The following DROSHA variants were observed in gnomAD, a reference collection of about 807,000 sequenced individuals.
DROSHA encodes the protein ribonuclease 3.
Under a neutral mutation model 181.9 loss-of-function variants are expected in DROSHA, and 56 were observed. The observed-to-expected ratio is 0.31, with a 90% CI of 0.25 to 0.38. The LOEUF is 0.38. DROSHA is among the 10% of genes least tolerant of loss of function. The pLI is 1.00. For synonymous variants in DROSHA, 524 were observed against 591.2 expected, an observed-to-expected ratio of 0.89 and a Z score of 1.65; for missense variants, 1,218 against 1,743.5, an observed-to-expected ratio of 0.70 and a Z score of 5.37.
intron 25 of DROSHA, among the ~76,000 whole-genome samples, chr5:31,433,915 A>T (rs144894785): frequency 2.3e-3 from 346 of 152,348 alleles, no homozygotes; most frequent in African/African-American, 8.2e-3. Context: ...AATGTTCATT[A>T]GTCTGGAAGG....
At chr5:31,453,717 A>C (rs965147911) in intron 20 of DROSHA, among the ~76,000 whole-genome samples, 30 of 152,140 alleles carry the variant, frequency 2.0e-4, no homozygotes, top group Non-Finnish European at 2.2e-4. Context: ...TGCTCCAAAC[A>C]AAGCCTGTTT....
intron 23 of DROSHA, among the ~76,000 whole-genome samples, chr5:31,443,506 GTGCTAA>G: frequency 6.6e-6 from 1 of 151,980 alleles, no homozygotes; most frequent in Non-Finnish European, 1.5e-5. Context: ...CACCCTTTTT[GTGCTAA>G]CAGTTCATCA....
At chr5:31,481,946 AG>A (rs955615166) in intron 16 of DROSHA, among the ~76,000 whole-genome samples, 1 of 152,148 alleles carries the variant, frequency 6.6e-6, no homozygotes, top group African/African-American at 2.4e-5. Flanking sequence ...ACAGTTAGAG[AG>A]GGTCTGGCAC....
At chr5:31,524,165 T>G (rs1740255033) in intron 5 of DROSHA, among the ~76,000 whole-genome samples, 1 of 152,162 alleles carries the variant, frequency 6.6e-6, no homozygotes, top group Non-Finnish European at 1.5e-5. Flanking sequence ...TTCCCTTCTA[T>G]CTTCTACCAG....
intron 7 of DROSHA, 65 bp downstream of exon 7, chr5:31,515,388 CA>C: frequency 9.8e-7 from 1 of 1,024,650 alleles, no homozygotes; most frequent in Non-Finnish European, 1.4e-6. Context: ...CTGGTGGCAT[CA>C]GAATCACCTG....
Position 31,483,618 on chromosome 5 carries a change from A to T in DROSHA, c.2007T>A (p.Phe669Leu), listed in dbSNP as rs1003667335. The T allele has an allele frequency of 3.0e-5, 48 of 1,610,666 alleles. No individual in the cohort carries two copies. The highest frequency in any genetic ancestry group is 3.7e-5 in the Non-Finnish European group (44 of 1,179,348). The change falls in exon 16 of 36, where the codon TTT becomes TTA. Residue 669 changes from phenylalanine (F) to leucine (L), a missense_variant. Phe to Leu is a conservative substitution (Grantham distance 22). This residue lies in a region of DROSHA where 460 missense variants were observed against 774.2 expected (regional missense o/e 0.59). Coordinates refer to ENST00000344624, the MANE Select transcript of DROSHA (RefSeq NM_001382508.1). ...TTGGGCAGCAGGGAGGGCTGTCTTC[A>T]AACAAAGGACCTGAAGCAAACAAAT... ...LYDWNLKGPL[F>L]EDSPPCCPRF...
chr5:31,433,388 T>C (rs559804223), intron 25 of DROSHA, among the ~76,000 whole-genome samples: 1 of 152,338 alleles, frequency 6.6e-6, no homozygotes, highest in East Asian at 1.9e-4. Flanking sequence ...GAAAATTTAA[T>C]TGTTTGCTAT....
intron 20 of DROSHA, among the ~76,000 whole-genome samples, chr5:31,458,294 C>T (rs1747903962): frequency 6.6e-6 from 1 of 152,160 alleles, no homozygotes; most frequent in African/African-American, 2.4e-5. Context: ...AACAAACAAG[C>T]AACTATTTTC....
chr5:31,407,676 A>C (rs1315789051), intron 33 of DROSHA, among the ~76,000 whole-genome samples: 1 of 152,234 alleles, frequency 6.6e-6, no homozygotes, highest in Non-Finnish European at 1.5e-5. Context: ...GATCTTGATA[A>C]AATGAGCAAA....
At chr5:31,495,816 C>T (rs1233517663) in intron 11 of DROSHA, among the ~76,000 whole-genome samples, 1 of 152,224 alleles carries the variant, frequency 6.6e-6, no homozygotes, top group Non-Finnish European at 1.5e-5. Context: ...ACTCATGAGG[C>T]TTGCCGGAGA....
intron 20 of DROSHA, among the ~76,000 whole-genome samples, chr5:31,455,495 A>T (rs1029770952): frequency 2.6e-5 from 4 of 152,176 alleles, no homozygotes; most frequent in Non-Finnish European, 5.9e-5. Context: ...AAGTATATAC[A>T]GCATACCTGA....
At chr5:31,468,084 C>T in intron 17 of DROSHA, 21 bp from the exon 18 acceptor site, 5 of 1,600,988 alleles carry the variant, frequency 3.1e-6, no homozygotes, top group Non-Finnish European at 4.3e-6. Flanking sequence ...AAATCAAAGC[C>T]ATTTATTCCC....
intron 23 of DROSHA, 50 bp from the exon 24 acceptor site, chr5:31,437,348 C>T (rs748461594): frequency 7.8e-7 from 1 of 1,288,104 alleles, no homozygotes; most frequent in South Asian, 1.3e-5. Context: ...TAACACTCCC[C>T]CCCACCCACC....
chr5:31,448,019 AT>A (rs1746514956), intron 23 of DROSHA, among the ~76,000 whole-genome samples: 1 of 152,250 alleles, frequency 6.6e-6, no homozygotes, highest in Admixed American at 6.5e-5. Context: ...CCCAAGCAAA[AT>A]CAAAATATAT....
chr5:31,412,666 T>C (rs1342523176), intron 30 of DROSHA, among the ~76,000 whole-genome samples: 2 of 152,172 alleles, frequency 1.3e-5, no homozygotes, highest in African/African-American at 4.8e-5. Flanking sequence ...CTTTCTTTCC[T>C]CCTCCTGTCT....
rs1281665515 is a variant in DROSHA at position 31,508,709 on chromosome 5, T to G, written c.1499A>C (p.Glu500Ala). The G allele has an allele frequency of 2.5e-6, 4 of 1,613,962 alleles. No individual in the cohort carries two copies. In the East Asian group the frequency reaches 8.9e-5, roughly 36 times the overall value. ...GATTTCTGCAATAACGTCAAAAACT[T>G]CAGAGTCTGAGCTGCTAGAACAGGT... ...DSTCSSSSDS[E>A]VFDVIAEIKR... Residue 500 changes from glutamate (E) to alanine (A), a missense_variant, in exon 10 of 36, where the codon GAA (glutamate) becomes GCA (alanine). By Grantham distance (107) the Glu-to-Ala change is moderately radical (BLOSUM62 -1). Around this residue, in one of 8 missense-constraint regions of DROSHA, gnomAD observed 460 missense variants for 774.2 expected, o/e 0.59. Coordinates refer to ENST00000344624, the MANE Select transcript of DROSHA (RefSeq NM_001382508.1).
chr5:31,474,367 T>A (rs1167723606), intron 16 of DROSHA, among the ~76,000 whole-genome samples: 2 of 152,224 alleles, frequency 1.3e-5, no homozygotes, highest in Non-Finnish European at 2.9e-5. Context: ...AAGTCCTTTT[T>A]TTTTCTTTTT....
chr5:31,527,421 C>G (rs1489135714), intron 4 of DROSHA: 1 of 155,850 alleles, frequency 6.4e-6, no homozygotes, highest in Admixed American at 6.2e-5. Flanking sequence ...AAGTACTTTC[C>G]TTGGCCTCCA....
At chr5:31,512,631 G>C (rs1561279351) in intron 8 of DROSHA, among the ~76,000 whole-genome samples, 1 of 152,166 alleles carries the variant, frequency 6.6e-6, no homozygotes, top group Non-Finnish European at 1.5e-5. Flanking sequence ...ATTTGCAGCT[G>C]GGTGGACCCA....
Sources: gnomAD v4.1 joint callset for allele counts (sites outside exome capture counted in the v4.1 genomes callset) on GRCh38, gnomAD v4.1.1 for gene constraint, gnomAD v4.1.1 regional missense constraint, MANE v1.5 for transcripts, NCBI Gene and HGNC (gene_info 2026-07-23, HGNC 2026-07-21) for gene names.